Variants in CHRM5 observed in about 807,000 individuals in gnomAD.
CHRM5 encodes the protein cholinergic receptor muscarinic 5.
Under a neutral mutation model 39.0 loss-of-function variants are expected in CHRM5, and 18 were observed. That is an observed-to-expected ratio of 0.46 (90% CI 0.32 to 0.68). CHRM5 has a LOEUF of 0.68. Ranked by LOEUF, CHRM5 falls within the 30% of genes least tolerant of loss-of-function variation. The probability of loss-of-function intolerance (pLI) is 0.04; values close to 1 mark genes in which losing one functional copy is unlikely to be tolerated. For missense variants in CHRM5, 515 were observed against 651.1 expected (o/e 0.79, Z 2.28); for synonymous variants, 241 against 246.3 (o/e 0.98, Z 0.20).
chr15:34,011,083 T>G (rs1448450541), intron 1 of CHRM5, among the ~76,000 whole-genome samples: 2 of 152,018 alleles, frequency 1.3e-5, no homozygotes, highest in Non-Finnish European at 2.9e-5. Context: ...TACCTGCACT[T>G]TGGGAGGCCT....
intron 1 of CHRM5, among the ~76,000 whole-genome samples, chr15:33,970,646 C>A (rs568490333): frequency 2.0e-5 from 3 of 151,352 alleles, no homozygotes; most frequent in South Asian, 2.1e-4. Flanking sequence ...GAATATTAAT[C>A]AATATTTTAA....
intron 1 of CHRM5, among the ~76,000 whole-genome samples, chr15:34,033,024 C>T (rs563164235): frequency 6.6e-6 from 1 of 152,236 alleles, no homozygotes; most frequent in South Asian, 2.1e-4. Flanking sequence ...TGGCAAAACT[C>T]CAACATTCCC....
intron 1 of CHRM5, among the ~76,000 whole-genome samples, chr15:34,024,000 A>T (rs1898326731): frequency 6.6e-6 from 1 of 152,224 alleles, no homozygotes; most frequent in Non-Finnish European, 1.5e-5. Context: ...ACTGGTTTTA[A>T]TCGTAACAGG....
Position 34,021,117 on chromosome 15 carries a change from A to G in CHRM5, c.-407-25423A>G, listed in dbSNP as rs1422217528. 2.6e-5 allele frequency among the ~76,000 whole-genome samples: 4 copies of G among 152,274 alleles called. No homozygotes were observed. In the East Asian group the frequency reaches 7.7e-4, roughly 29 times the overall value. Reference sequence around the variant, plus strand: ...CCTTTTCAGTTCTTCCCCGATGAAGAGTCTATAAAATGCCTATCTTTTCTC... The same window carrying G: ...CCTTTTCAGTTCTTCCCCGATGAAGGGTCTATAAAATGCCTATCTTTTCTC... On this transcript the variant is annotated intron_variant, in intron 1 of 2. Coordinates refer to ENST00000383263, the MANE Select transcript of CHRM5 (RefSeq NM_012125.4).
At chr15:34,044,429 T>G (rs970005353) in intron 1 of CHRM5, among the ~76,000 whole-genome samples, 10 of 152,242 alleles carry the variant, frequency 6.6e-5, no homozygotes, top group Admixed American at 3.9e-4. Context: ...AACAATACAC[T>G]ACCCTTAGGA....
At chr15:34,030,164 G>A (rs1441103053) in intron 1 of CHRM5, among the ~76,000 whole-genome samples, 1 of 152,110 alleles carries the variant, frequency 6.6e-6, no homozygotes, top group African/African-American at 2.4e-5. Context: ...TGAGGCAGGA[G>A]AATCTCTTGA....
At chr15:34,050,446 G>C (rs1899892597) in intron 2 of CHRM5, among the ~76,000 whole-genome samples, 1 of 152,150 alleles carries the variant, frequency 6.6e-6, no homozygotes, top group Non-Finnish European at 1.5e-5. Flanking sequence ...ACATAAAAAT[G>C]TCTGCAAAAT....
intron 1 of CHRM5, among the ~76,000 whole-genome samples, chr15:34,016,643 G>C (rs910265938): frequency 2.0e-5 from 3 of 152,122 alleles, no homozygotes; most frequent in Admixed American, 6.6e-5. Context: ...CTAAAGCCAA[G>C]TGTCTCTGCC....
At chr15:34,051,869 A>G (rs929411551) in intron 2 of CHRM5, among the ~76,000 whole-genome samples, 1 of 149,176 alleles carries the variant, frequency 6.7e-6, no homozygotes, top group African/African-American at 2.5e-5. Context: ...CCAAAAAAAG[A>G]AAAAAAAAAC....
intron 1 of CHRM5, among the ~76,000 whole-genome samples, chr15:34,036,153 T>C (rs529242067): frequency 6.6e-6 from 1 of 152,090 alleles, no homozygotes; most frequent in Admixed American, 6.5e-5. Context: ...ATGCTTCTAG[T>C]GAGTATTCCG....
At chr15:33,974,711 G>A (rs1467366235) in intron 1 of CHRM5, among the ~76,000 whole-genome samples, 1 of 152,142 alleles carries the variant, frequency 6.6e-6, no homozygotes, top group African/African-American at 2.4e-5. Flanking sequence ...AGTGGCTCAC[G>A]CCTGTAATCC....
rs899255977 is a variant in CHRM5 at position 34,007,060 on chromosome 15, A to T, written c.-408+37910A>T. The T allele has an allele frequency of 3.0e-6, 3 of 984,488 alleles. No homozygotes were observed. In the African/African-American group the frequency reaches 5.2e-5, roughly 17 times the overall value. 61.0% of individuals were successfully genotyped at this position (984,488 alleles called of 1,614,324 possible). On this transcript the variant is annotated intron_variant, in intron 1 of 2. Coordinates refer to ENST00000383263, the MANE Select transcript of CHRM5 (RefSeq NM_012125.4). Reference sequence around the variant, plus strand: ...AATAGTTCATACCTGGACATCGGTCACTGGTTGCATTGTTCAGAGATTAAC... The same window carrying T: ...AATAGTTCATACCTGGACATCGGTCTCTGGTTGCATTGTTCAGAGATTAAC...
intron 1 of CHRM5, chr15:34,038,835 G>A (rs1210430065): frequency 1.3e-5 from 16 of 1,188,836 alleles, no homozygotes; most frequent in Admixed American, 4.2e-5. Flanking sequence ...GCCTCGCGGG[G>A]CGCCTCCTCC....
chr15:34,018,063 ATAT>A (rs998157648), intron 1 of CHRM5, among the ~76,000 whole-genome samples: 2 of 152,234 alleles, frequency 1.3e-5, no homozygotes, highest in African/African-American at 4.8e-5. Flanking sequence ...TGTATTTACT[ATAT>A]TATACTTTTT....
intron 1 of CHRM5, among the ~76,000 whole-genome samples, chr15:34,016,426 C>T (rs1016925997): frequency 6.6e-6 from 1 of 152,150 alleles, no homozygotes; most frequent in African/African-American, 2.4e-5. Flanking sequence ...CTCACCTGGT[C>T]AATTATCTGC....
Position 33,977,536 on chromosome 15 carries a change from C to T in CHRM5, c.-408+8386C>T, listed in dbSNP as rs78275351. On this transcript the variant is annotated intron_variant, in intron 1 of 2. Transcript: ENST00000383263. ...GGGTGTTGTATCCCAGCCTCGTGGC[C>T]TCACTGAGCACCATTCTTATGCTTG... 2.4e-3 allele frequency among the ~76,000 whole-genome samples: 370 copies of T among 152,284 alleles called. 1 individual carries two copies. Among genetic ancestry groups the T allele is most frequent in the Admixed American group, 4.3e-3 (66 of 15,300 alleles).
At chr15:34,018,031 G>A (rs1898022458) in intron 1 of CHRM5, among the ~76,000 whole-genome samples, 1 of 152,110 alleles carries the variant, frequency 6.6e-6, no homozygotes, top group Non-Finnish European at 1.5e-5. Context: ...ACATAATACT[G>A]ACAATGATAC....
chr15:33,997,681 T>A (rs919044242), intron 1 of CHRM5, among the ~76,000 whole-genome samples: 34 of 152,120 alleles, frequency 2.2e-4, no homozygotes, highest in African/African-American at 8.2e-4. Flanking sequence ...TTACTGCCCC[T>A]CATCTTCTCT....
chr15:34,001,746 G>C (rs1215431257), intron 1 of CHRM5, among the ~76,000 whole-genome samples: 2 of 152,098 alleles, frequency 1.3e-5, no homozygotes, highest in Admixed American at 6.5e-5. Flanking sequence ...ACAATTTTAT[G>C]ATCTACTTCT....
Sources: gnomAD v4.1 joint callset for allele counts (sites outside exome capture counted in the v4.1 genomes callset) on GRCh38, gnomAD v4.1.1 for gene constraint, MANE v1.5 for transcripts, NCBI Gene and HGNC (gene_info 2026-07-23, HGNC 2026-07-21) for gene names.